The following PTPRD variants were observed in gnomAD, a reference collection of about 807,000 sequenced individuals.
The protein encoded by PTPRD is protein tyrosine phosphatase receptor type D, also known as receptor-type tyrosine-protein phosphatase delta.
Under a neutral mutation model 214.5 loss-of-function variants are expected in PTPRD, and 34 were observed. That is an observed-to-expected ratio of 0.16 (90% CI 0.12 to 0.21). The LOEUF is 0.21. PTPRD is among the 10% of genes least tolerant of loss of function. The probability of loss-of-function intolerance (pLI) is 1.00; values close to 1 mark genes in which losing one functional copy is unlikely to be tolerated. For synonymous variants in PTPRD, 1,128 were observed against 845.7 expected (o/e 1.33, Z -5.79); for missense variants, 2,545 against 2,398.7 (o/e 1.06, Z -1.27).
At chr9:9,750,216 T>C (rs1213984503) in intron 6 of PTPRD, among the ~76,000 whole-genome samples, 3 of 152,186 alleles carry the variant, frequency 2.0e-5, no homozygotes, top group Non-Finnish European at 4.4e-5. Flanking sequence ...AAATTTATTC[T>C]AGCAATTATA....
intron 2 of PTPRD, among the ~76,000 whole-genome samples, chr9:10,498,116 T>C (rs2042634487): frequency 6.6e-6 from 1 of 152,008 alleles, no homozygotes; most frequent in Non-Finnish European, 1.5e-5. Flanking sequence ...AACATTCAGC[T>C]CTTCCATGGA....
intron 9 of PTPRD, among the ~76,000 whole-genome samples, chr9:9,184,101 C>G (rs1296079966): frequency 6.6e-6 from 1 of 151,872 alleles, no homozygotes; most frequent in East Asian, 1.9e-4. Context: ...ACTCTTATTC[C>G]TCCTTCAATT....
At chr9:8,839,375 G>C (rs2097511415) in intron 11 of PTPRD, among the ~76,000 whole-genome samples, 2 of 151,714 alleles carry the variant, frequency 1.3e-5, no homozygotes, top group Admixed American at 1.3e-4. Context: ...ACCCAGGCTG[G>C]AGCGCTGTGG....
chr9:8,920,256 G>C (rs1338622064), intron 11 of PTPRD, among the ~76,000 whole-genome samples: 1 of 151,944 alleles, frequency 6.6e-6, no homozygotes, highest in Non-Finnish European at 1.5e-5. Context: ...CAGGAGAATT[G>C]CTTGAACCCA....
In PTPRD at chr9:8,981,403, A is replaced by AT. The variant is rs200914541; in HGVS notation, c.-104+37293dup. ...CCATTTGATTCAGTTCTTTAGTCTGATTTTTTTTTAAGTAGGTATCGTTTA... is the reference window on the plus strand; with the variant it reads ...CCATTTGATTCAGTTCTTTAGTCTGATTTTTTTTTTAAGTAGGTATCGTTTA... On this transcript the variant is annotated intron_variant, in intron 11 of 45. Coordinates refer to ENST00000381196, the MANE Select transcript of PTPRD (RefSeq NM_002839.4). 5.6e-3 allele frequency among the ~76,000 whole-genome samples: 852 copies of AT among 151,444 alleles called. 3 individuals carry two copies. Among genetic ancestry groups the AT allele is most frequent in the African/African-American group, 0.011 (470 of 41,336 alleles).
intron 30 of PTPRD, among the ~76,000 whole-genome samples, chr9:8,473,439 A>G (rs1299379906): frequency 6.6e-6 from 1 of 152,172 alleles, no homozygotes; most frequent in East Asian, 1.9e-4. Flanking sequence ...AGAATGACAG[A>G]GGCTGCAACT....
At chr9:8,893,519 C>G (rs997273605) in intron 11 of PTPRD, among the ~76,000 whole-genome samples, 1 of 152,094 alleles carries the variant, frequency 6.6e-6, no homozygotes, top group Non-Finnish European at 1.5e-5. Flanking sequence ...CCCAACAATC[C>G]GCAAGCAAAC....
At chr9:9,038,054 C>T (rs952658834) in intron 10 of PTPRD, among the ~76,000 whole-genome samples, 1 of 152,326 alleles carries the variant, frequency 6.6e-6, no homozygotes, top group African/African-American at 2.4e-5. Flanking sequence ...TGAAAACCTA[C>T]AGCAAATGCT....
intron 3 of PTPRD, among the ~76,000 whole-genome samples, chr9:10,242,658 T>C (rs963085175): frequency 7.2e-6 from 1 of 139,354 alleles, no homozygotes; most frequent in Admixed American, 7.5e-5. Context: ...TTCAGTGCCA[T>C]GTAAAATCAA....
At chr9:9,739,570 G>C (rs1266312401) in intron 6 of PTPRD, among the ~76,000 whole-genome samples, 2 of 151,624 alleles carry the variant, frequency 1.3e-5, no homozygotes, top group Non-Finnish European at 1.5e-5. Context: ...AGCTTTCCTT[G>C]AATCCTCTAT....
chr9:10,446,919 T>A (rs569032031), intron 2 of PTPRD, among the ~76,000 whole-genome samples: 44 of 152,168 alleles, frequency 2.9e-4, no homozygotes, highest in Non-Finnish European at 5.7e-4. Flanking sequence ...ATGCAGAATA[T>A]GTACAAGCAA....
intron 5 of PTPRD, among the ~76,000 whole-genome samples, chr9:9,797,128 A>G (rs1292423442): frequency 6.6e-6 from 1 of 151,982 alleles, no homozygotes; most frequent in African/African-American, 2.4e-5. Flanking sequence ...TTTAGAAGAG[A>G]GTGTTACAAA....
At chr9:8,423,910 G>T (rs1450885656) in intron 35 of PTPRD, among the ~76,000 whole-genome samples, 1 of 152,084 alleles carries the variant, frequency 6.6e-6, no homozygotes, top group African/African-American at 2.4e-5. Context: ...TCAATCTGAT[G>T]AATTATTTCT....
At chr9:10,161,523 T>C (rs1170253578) in intron 3 of PTPRD, among the ~76,000 whole-genome samples, 3 of 151,758 alleles carry the variant, frequency 2.0e-5, no homozygotes, top group African/African-American at 7.2e-5. Context: ...AGACCCTATC[T>C]CTCACCATAT....
rs370818089 is a variant in PTPRD at position 9,851,037 on chromosome 9, C to T, written c.-367-84186G>A. ...TTTTAGACAAAATTATTTAACCTAACTTCAGATTCTTTATCTGCAAATTGG... is the reference window on the plus strand; with the variant it reads ...TTTTAGACAAAATTATTTAACCTAATTTCAGATTCTTTATCTGCAAATTGG... On this transcript the variant is annotated intron_variant, in intron 5 of 45. Transcript: ENST00000381196. 4.0e-4 allele frequency among the ~76,000 whole-genome samples: 61 copies of T among 152,310 alleles called. No homozygotes were observed. In the East Asian group the frequency reaches 8.5e-3, roughly 21 times the overall value.
intron 8 of PTPRD, among the ~76,000 whole-genome samples, chr9:9,568,831 T>C (rs936993726): frequency 2.0e-5 from 3 of 151,812 alleles, no homozygotes; most frequent in African/African-American, 4.8e-5. Flanking sequence ...AGCTGGAGGA[T>C]GACTGTAGAC....
chr9:9,045,128 A>G (rs759140199), intron 10 of PTPRD, among the ~76,000 whole-genome samples: 1 of 152,194 alleles, frequency 6.6e-6, no homozygotes, highest in Non-Finnish European at 1.5e-5. Context: ...AATTAGGAGC[A>G]TGAAATACAC....
rs553569334 is a variant in PTPRD at position 10,560,268 on chromosome 9, T to C, written c.-600+52130A>G. The stretch of plus-strand genomic sequence containing the variant: ...TTCATGTCCTTTGTAGGGACATGGA[T>C]GAAATTGGAAATCATCATTCTCAGT... On this transcript the variant is annotated intron_variant, in intron 2 of 45. Coordinates refer to ENST00000381196, the MANE Select transcript of PTPRD (RefSeq NM_002839.4). Among the ~76,000 whole-genome samples, 304 of 152,210 alleles carry C rather than the reference T, an allele frequency of 2.0e-3. 2 individuals are homozygous for C. Among genetic ancestry groups the C allele is most frequent in the African/African-American group, 7.1e-3 (295 of 41,532 alleles).
At chr9:8,387,146 G>C (rs1387336916) in intron 37 of PTPRD, among the ~76,000 whole-genome samples, 1 of 152,156 alleles carries the variant, frequency 6.6e-6, no homozygotes, top group Non-Finnish European at 1.5e-5. Context: ...TTTAACAAAG[G>C]AGAAAGCTAA....
Sources: gnomAD v4.1 joint callset for allele counts (sites outside exome capture counted in the v4.1 genomes callset) on GRCh38, gnomAD v4.1.1 for gene constraint, MANE v1.5 for transcripts, NCBI Gene and HGNC (gene_info 2026-07-23, HGNC 2026-07-21) for gene names.